The following ACTL6A variants were observed in gnomAD, a reference collection of about 807,000 sequenced individuals.
The protein encoded by ACTL6A is actin like 6A.
In ACTL6A, 5 loss-of-function variants were observed where a neutral mutation model predicts 59.2. The observed-to-expected ratio is 0.08, with a 90% CI of 0.04 to 0.18. ACTL6A has a LOEUF of 0.18. Among genes scored for constraint, ACTL6A ranks in the 10% least tolerant of loss-of-function variants. The pLI is 1.00. For missense variants in ACTL6A, 285 were observed against 526.9 expected (o/e 0.54, Z 4.49); for synonymous variants, 154 against 171.8 (o/e 0.90, Z 0.81).
At chr3:179,565,528 G>T (rs1162803327) in intron 1 of ACTL6A, among the ~76,000 whole-genome samples, 1 of 147,390 alleles carries the variant, frequency 6.8e-6, no homozygotes, top group African/African-American at 2.5e-5. Flanking sequence ...ATAGTGCAAA[G>T]GTAGCTCAGA....
intron 12 of ACTL6A, among the ~76,000 whole-genome samples, chr3:179,586,120 G>A (rs987760291): frequency 1.3e-5 from 2 of 152,156 alleles, no homozygotes; most frequent in Non-Finnish European, 1.5e-5. Context: ...GCTATTTTAG[G>A]ATAGAAATTG....
chr3:179,567,391 T>G (rs7644051), intron 1 of ACTL6A, among the ~76,000 whole-genome samples: 83,169 of 151,822 alleles, frequency 0.55, 22,967 homozygotes, highest in East Asian at 0.78. Context: ...AATAAATAAA[T>G]AAAGAATAAA....
At chr3:179,567,876 T>C (rs1717883806) in intron 1 of ACTL6A, among the ~76,000 whole-genome samples, 1 of 152,068 alleles carries the variant, frequency 6.6e-6, no homozygotes, top group Non-Finnish European at 1.5e-5. Context: ...TCTGTTTTAT[T>C]TGAATAAAAA....
chr3:179,567,977 G>T (rs1333157260), intron 1 of ACTL6A, among the ~76,000 whole-genome samples: 1 of 152,060 alleles, frequency 6.6e-6, no homozygotes, highest in Admixed American at 6.6e-5. Flanking sequence ...TTTGAGACCA[G>T]CCTGGCCAAT....
Position 179,570,172 on chromosome 3 carries a change from A to G in ACTL6A, c.208A>G (p.Ile70Val), listed in dbSNP as rs766874167. ...KGKQGGPTYY[I>V]DTNALRVPRE... ...CAAACAAGGCGGTCCCACCTACTAC[A>G]TAGATACTAATGCTCTGCGTGTTCC... The change falls in exon 3 of 14, where the codon ATA becomes GTA. Residue 70 changes from isoleucine (I) to valine (V), a missense_variant. Ile to Val is a conservative substitution (Grantham distance 29). Coordinates refer to ENST00000429709, the MANE Select transcript of ACTL6A (RefSeq NM_004301.5). The surrounding 1 kb of genome is among the most constrained non-coding windows in gnomAD (Gnocchi z 4.3). 4 of 1,614,194 alleles carry G rather than the reference A, an allele frequency of 2.5e-6. No individual in the cohort carries two copies. Among genetic ancestry groups the G allele is most frequent in the Non-Finnish European group, 3.4e-6 (4 of 1,180,028 alleles).
chr3:179,563,314 G>C, intron 1 of ACTL6A, 197 bp downstream of exon 1: 3 of 940,318 alleles, frequency 3.2e-6, no homozygotes, highest in Non-Finnish European at 4.6e-6. Flanking sequence ...CGGGCTCCCT[G>C]AAGTGGCGGC....
chr3:179,577,612 A>T (rs1203778903), intron 8 of ACTL6A, among the ~76,000 whole-genome samples: 1 of 152,118 alleles, frequency 6.6e-6, no homozygotes, highest in Non-Finnish European at 1.5e-5. Context: ...AGTACCCAAT[A>T]GTTATTTTTT....
chr3:179,575,310 C>T lies in ACTL6A; in HGVS notation c.476+843C>T, dbSNP rs1576853107. ...ATGCTCCTACTCTTGCCCATATTCC[C>T]TTCCCCAGATTTTACTATTGAATAT... On this transcript the variant is annotated intron_variant, in intron 5 of 13. Transcript: ENST00000429709. 65 of 449,516 alleles carry T rather than the reference C, an allele frequency of 1.4e-4. 3 individuals carry two copies. Among genetic ancestry groups the T allele is most frequent in the South Asian group, 1.0e-3 (64 of 63,234 alleles). 27.8% of individuals were successfully genotyped at this position (449,516 alleles called of 1,614,324 possible).
At chr3:179,579,453 T>C (rs1718265989) in intron 8 of ACTL6A, among the ~76,000 whole-genome samples, 1 of 55,224 alleles carries the variant, frequency 1.8e-5, no homozygotes, top group South Asian at 1.1e-3. Flanking sequence ...ATTTATATCA[T>C]ATACACACAC....
chr3:179,580,536 C>A (rs554316160), intron 8 of ACTL6A, 104 bp from the exon 9 acceptor site: 3 of 785,344 alleles, frequency 3.8e-6, no homozygotes. Context: ...CATCTAGAAA[C>A]ATGGTCCAAT....
Position 179,588,017 on chromosome 3 carries a change from G to A in ACTL6A, c.*7G>A, listed in dbSNP as rs749984995. On this transcript the variant is annotated 3_prime_UTR_variant, in exon 14 of 14. Transcript: ENST00000429709. The stretch of plus-strand genomic sequence containing the variant: ...AGAAAGAAAATGCCCTTGAGAAAGA[G>A]TTCCCAAGCTTCTACCTTCCTTTTG... 104 of 1,590,882 alleles carry A rather than the reference G, an allele frequency of 6.5e-5. No individual in the cohort carries two copies. The highest frequency in any genetic ancestry group is 8.6e-5 in the Non-Finnish European group (101 of 1,172,008).
At chr3:179,572,642 T>C (rs1380255120) in intron 3 of ACTL6A, among the ~76,000 whole-genome samples, 1 of 152,010 alleles carries the variant, frequency 6.6e-6, no homozygotes, top group Non-Finnish European at 1.5e-5. Context: ...CTGTCTCTAC[T>C]AAAAATGCAA....
chr3:179,563,257 C>A, intron 1 of ACTL6A, 140 bp downstream of exon 1: 1 of 1,380,670 alleles, frequency 7.2e-7, no homozygotes, highest in Non-Finnish European at 9.7e-7. Context: ...CCGTCCCCGC[C>A]CCACGCTCTG....
intron 6 of ACTL6A, 107 bp downstream of exon 6, chr3:179,576,418 A>C: frequency 1.0e-6 from 1 of 961,180 alleles, no homozygotes; most frequent in Non-Finnish European, 1.5e-6. Context: ...CAGTTTCTGA[A>C]TAAGATTTTT....
At chr3:179,566,216 A>T (rs1576847474) in intron 1 of ACTL6A, among the ~76,000 whole-genome samples, 1 of 152,150 alleles carries the variant, frequency 6.6e-6, no homozygotes, top group African/African-American at 2.4e-5. Flanking sequence ...CAGGATATGG[A>T]TGTAGACACT....
chr3:179,565,157 T>C (rs2108351957), intron 1 of ACTL6A, among the ~76,000 whole-genome samples: 1 of 152,250 alleles, frequency 6.6e-6, no homozygotes, highest in East Asian at 1.9e-4. Context: ...GATAACAATA[T>C]GTAGAAGGGG....
intron 12 of ACTL6A, chr3:179,584,298 C>T (rs1186373837): frequency 1.3e-5 from 2 of 152,100 alleles, no homozygotes; most frequent in Non-Finnish European, 2.9e-5. Context: ...TATAGTACTT[C>T]GGTAACAGAA....
At chr3:179,575,237 TGC>T in intron 5 of ACTL6A, 1 of 378,058 alleles carries the variant, frequency 2.6e-6, no homozygotes, top group Non-Finnish European at 5.1e-6. Context: ...CTGAGGTACT[TGC>T]AGTTCTCTGA....
chr3:179,574,524 T>C lies in ACTL6A; in HGVS notation c.476+57T>C. 4.1e-6 allele frequency: 5 copies of C among 1,215,842 alleles called. No homozygotes were observed. In the South Asian group the frequency reaches 6.2e-5, roughly 15 times the overall value. The allele number at this position is 1,215,842 out of a possible 1,614,324, so 75.3% of individuals were successfully genotyped here. ...GAAGTATGTACGATACTAATGAATA[T>C]GATAACTCTGGGAGAAGACATACGC... On this transcript the variant is annotated intron_variant, in intron 5 of 13. Coordinates refer to ENST00000429709, the MANE Select transcript of ACTL6A (RefSeq NM_004301.5).
Sources: gnomAD v4.1 joint callset for allele counts (sites outside exome capture counted in the v4.1 genomes callset) on GRCh38, gnomAD v4.1.1 for gene constraint, Gnocchi (gnomAD v3.1) non-coding constraint, MANE v1.5 for transcripts, NCBI Gene and HGNC (gene_info 2026-07-23, HGNC 2026-07-21) for gene names.